Variants in EI24 observed in about 807,000 individuals in gnomAD.
The protein encoded by EI24 is etoposide-induced protein 2.4 homolog.
A neutral mutation model predicts 48.6 loss-of-function variants in EI24; 21 were observed. That is an observed-to-expected ratio of 0.43 (90% CI 0.31 to 0.62). EI24 has a LOEUF of 0.62. EI24 is among the 20% of genes least tolerant of loss of function. EI24 has a pLI of 0.10. For synonymous variants in EI24, 114 were observed against 145.5 expected (o/e 0.78, Z 1.56); for missense variants, 280 against 410.5 (o/e 0.68, Z 2.75).
rs376206953 is a variant in EI24, at chr11:125,580,188, T to C, written c.657T>C (p.Tyr219=). The C allele has an allele frequency of 2.4e-4, 389 of 1,612,434 alleles. No homozygotes were observed. Among genetic ancestry groups the C allele is most frequent in the Non-Finnish European group, 2.9e-4 (340 of 1,178,578 alleles). ...SLLYSLYCFE[Y]RWFNKGIEMH... is the part of the protein sequence containing the mutation. ...TCTACTCACTGTACTGCTTTGAATA[T>C]CGTTGGTTCAATAAAGGTAAGTCCA... Residue 219 remains tyrosine (Y), a synonymous_variant, in exon 8 of 11, where the codon TAT becomes TAC. Transcript: ENST00000278903.
chr11:125,582,215 G>T, intron 9 of EI24, 131 bp from the exon 10 acceptor site: 2 of 800,298 alleles, frequency 2.5e-6, no homozygotes, highest in Non-Finnish European at 1.8e-6. Context: ...AAAAATGTTT[G>T]AAATATTGAG....
At chr11:125,575,226 CAAAT>C in intron 2 of EI24, 33 bp from the exon 3 acceptor site, 1 of 1,493,322 alleles carries the variant, frequency 6.7e-7, no homozygotes, top group African/African-American at 1.4e-5. Flanking sequence ...GACCCTGTCT[CAAAT>C]AATAATAATA....
intron 5 of EI24, 57 bp downstream of exon 5, chr11:125,577,627 G>C: frequency 7.2e-7 from 1 of 1,393,714 alleles, no homozygotes; most frequent in South Asian, 1.2e-5. Flanking sequence ...TGATGTTTCA[G>C]TCTCCCTCAG....
At chr11:125,579,146 CAG>C (rs1322456209) in intron 7 of EI24, 78 bp downstream of exon 7, 5 of 1,397,244 alleles carry the variant, frequency 3.6e-6, no homozygotes, top group Non-Finnish European at 4.8e-6. Context: ...TTCACAAAGA[CAG>C]AGTATTATAT....
intron 2 of EI24, 102 bp from the exon 3 acceptor site, chr11:125,575,161 A>T (rs1565327700): frequency 9.4e-7 from 1 of 1,069,350 alleles, no homozygotes; most frequent in Non-Finnish European, 1.3e-6. Context: ...CAGGAGTTGG[A>T]GGCTGCAGTG....
rs4627097 is a variant in EI24 at position 125,582,418 on chromosome 11, A to G, written c.858A>G (p.Ala286=). The G allele has an allele frequency of 0.34, 546,299 of 1,595,484 alleles. 94,766 individuals are homozygous for G. The highest frequency in any genetic ancestry group is 0.43 in the Middle Eastern group (2,577 of 6,010). ...SANEAKTPGK[A]YLFQLRLFSL... ...ATGAAGCAAAGACCCCTGGCAAAGC[A>G]TAGTAAGTATTAGCCAGTGATGAAA... The change falls in exon 10 of 11, where the codon GCA becomes GCG. Residue 286 remains alanine, a splice_region_variant and synonymous_variant. Coordinates refer to ENST00000278903, the MANE Select transcript of EI24 (RefSeq NM_004879.5).
At position 125,576,331 on chromosome 11, in the gene EI24, T is replaced by G; in HGVS notation, c.249+16T>G. ...AGTGTTCTGGGTAAGTTCTTTAAAT[T>G]CCAGGTGCCTTATAAGCATCTTCAG... On this transcript the variant is annotated intron_variant, in intron 4 of 10. Coordinates refer to ENST00000278903, the MANE Select transcript of EI24 (RefSeq NM_004879.5). The G allele has an allele frequency of 6.2e-7, 1 of 1,612,706 alleles. No homozygotes were observed. Among genetic ancestry groups the G allele is most frequent in the Non-Finnish European group, 8.5e-7 (1 of 1,179,120 alleles).
At chr11:125,581,490 C>T (rs1938991366) in intron 9 of EI24, among the ~76,000 whole-genome samples, 168 bp downstream of exon 9, 1 of 149,748 alleles carries the variant, frequency 6.7e-6, no homozygotes. Flanking sequence ...TCTGAATGTC[C>T]CTATATCCCA....
At chr11:125,575,461 T>C (rs1320476852) in intron 3 of EI24, 53 bp downstream of exon 3, 2 of 1,465,798 alleles carry the variant, frequency 1.4e-6, no homozygotes, top group African/African-American at 1.4e-5. Context: ...AGACCTTACA[T>C]AGTGACTTGA....
chr11:125,572,708 A>T, intron 2 of EI24, 139 bp downstream of exon 2: 1 of 768,100 alleles, frequency 1.3e-6, no homozygotes, highest in South Asian at 1.7e-5. Context: ...GTTATTCTAG[A>T]CCACACTACT....
At position 125,584,268 on chromosome 11, in the gene EI24, A is replaced by T. The variant is rs915069719; in HGVS notation, c.*585A>T. On this transcript the variant is annotated 3_prime_UTR_variant, in exon 11 of 11. Transcript: ENST00000278903. ...AAAAAAAAAAAAAAAAAAAAGCCTG[A>T]AGAGATGAGATAGGAGGAAAGACCT... is the stretch of plus-strand genomic sequence containing the variant. 1 of 136,780 alleles carries T rather than the reference A, an allele frequency of 7.3e-6. No homozygotes were observed. The highest frequency in any genetic ancestry group is 1.6e-5 in the Non-Finnish European group (1 of 64,418). 8.5% of individuals were successfully genotyped at this position (136,780 alleles called of 1,614,324 possible). A position where few individuals can be genotyped will look rare whatever the true frequency, so the allele number is the denominator to read the frequency against.
At chr11:125,575,905 C>A in intron 3 of EI24, 2 of 393,130 alleles carry the variant, frequency 5.1e-6, no homozygotes, top group South Asian at 1.8e-5. Context: ...TCTTCTGCCT[C>A]AGCGAACCGG....
At chr11:125,577,126 C>G (rs1384003749) in intron 4 of EI24, among the ~76,000 whole-genome samples, 1 of 152,090 alleles carries the variant, frequency 6.6e-6, no homozygotes, top group Non-Finnish European at 1.5e-5. Context: ...GAGGCTCGCT[C>G]TGTTGCTCAG....
At chr11:125,583,440 A>T in intron 10 of EI24, 81 bp from the exon 11 acceptor site, 1 of 1,185,538 alleles carries the variant, frequency 8.4e-7, no homozygotes, top group Non-Finnish European at 1.2e-6. Context: ...GTGTAGTTTT[A>T]AATTTAATGT....
At chr11:125,576,021 C>T (rs1395440500) in intron 3 of EI24, 1 of 511,860 alleles carries the variant, frequency 2.0e-6, no homozygotes, top group African/African-American at 1.9e-5. Context: ...GAACTCCTGA[C>T]CTCAGTTGAT....
intron 8 of EI24, chr11:125,580,950 G>A (rs1477987449): frequency 1.3e-5 from 2 of 155,736 alleles, no homozygotes; most frequent in East Asian, 1.9e-4. Context: ...GGTGGCAGGC[G>A]CCTGTAATCC....
chr11:125,578,094 C>A, intron 5 of EI24, 39 bp from the exon 6 acceptor site: 12 of 1,610,004 alleles, frequency 7.5e-6, no homozygotes, highest in Non-Finnish European at 1.0e-5. Context: ...TCTGGATTTC[C>A]ATTTCTCCAT....
Position 125,579,004 on chromosome 11 carries a change from G to C in EI24, c.497G>C (p.Ser166Thr). The change falls in exon 7 of 11, where the codon AGT becomes ACT. Residue 166 changes from serine to threonine, a missense_variant. Transcript: ENST00000278903. ...VSGRKPHPFP[S>T]VSKIIADMLF... is the part of the protein sequence containing the mutation. ...GGGAGGAAGCCTCACCCATTCCCTA[G>C]TGTCAGCAAAATAATTGCTGACATG... 1.3e-6 allele frequency: 2 copies of C among 1,590,050 alleles called. No homozygotes were observed. The highest frequency in any genetic ancestry group is 8.6e-7 in the Non-Finnish European group (1 of 1,167,198).
At chr11:125,583,500 G>A in intron 10 of EI24, 21 bp from the exon 11 acceptor site, 1 of 1,540,982 alleles carries the variant, frequency 6.5e-7, no homozygotes, top group Non-Finnish European at 8.7e-7. Flanking sequence ...GAGCTAACAA[G>A]TTGGGTTTCT....
Sources: allele counts gnomAD v4.1 joint callset (sites outside exome capture counted in the v4.1 genomes callset), GRCh38; gene constraint gnomAD v4.1.1; transcripts MANE v1.5; gene names NCBI Gene and HGNC (gene_info 2026-07-23, HGNC 2026-07-21).